The following AIG1 variants were observed in gnomAD, a reference collection of about 807,000 sequenced individuals.
The protein encoded by AIG1 is androgen induced 1.
AIG1 carries 23 observed loss-of-function variants against 31.4 expected under a neutral mutation model. The ratio of observed to expected loss-of-function variants is 0.73; its 90% CI spans 0.53 to 1.04. The LOEUF is 1.04. Among genes scored for constraint, AIG1 ranks in the 50% least tolerant of loss-of-function variants. The pLI is 0.00. For missense variants in AIG1, 274 were observed against 295.0 expected, an observed-to-expected ratio of 0.93 and a Z score of 0.52; for synonymous variants, 100 against 110.5, an observed-to-expected ratio of 0.90 and a Z score of 0.60.
At position 143,256,155 on chromosome 6, in the gene AIG1, A is replaced by G. The variant is rs935106145; in HGVS notation, c.400-27955A>G. On this transcript the variant is annotated intron_variant, in intron 3 of 5. Transcript: ENST00000357847. This position sits in a 1 kb window ranked among gnomAD's most constrained non-coding sequence, Gnocchi z 4.6. ...TAACTGAGATAAATTTTAGGGCAAAAATAAATTAGAATAAACAGAAGTAAA... is the reference window on the plus strand; with the variant it reads ...TAACTGAGATAAATTTTAGGGCAAAGATAAATTAGAATAAACAGAAGTAAA... Among the ~76,000 whole-genome samples the G allele has an allele frequency of 5.9e-5, 9 of 152,204 alleles. No individual in the cohort carries two copies. Among genetic ancestry groups the G allele is most frequent in the African/African-American group, 1.9e-4 (8 of 41,458 alleles).
At chr6:143,175,606 T>A (rs1583419685) in intron 3 of AIG1, among the ~76,000 whole-genome samples, 5 of 152,354 alleles carry the variant, frequency 3.3e-5, no homozygotes, top group African/African-American at 1.2e-4. Flanking sequence ...TTACTGAGAC[T>A]TTCCAGTGCA....
intron 1 of AIG1, among the ~76,000 whole-genome samples, chr6:143,066,741 A>G (rs906333077): frequency 1.1e-4 from 17 of 152,258 alleles, no homozygotes; most frequent in Non-Finnish European, 2.1e-4. Flanking sequence ...CAGGGCAACT[A>G]AGGTGAAAAA....
At chr6:143,072,916 A>G (rs1777422738) in intron 1 of AIG1, among the ~76,000 whole-genome samples, 1 of 152,194 alleles carries the variant, frequency 6.6e-6, no homozygotes, top group Non-Finnish European at 1.5e-5. Flanking sequence ...CATGAATCCC[A>G]GATACAGTAC....
At position 143,334,159 on chromosome 6, in the gene AIG1, T is replaced by C; in HGVS notation, c.679+714T>C. 2 of 1,504,156 alleles carry C rather than the reference T, an allele frequency of 1.3e-6. No individual in the cohort carries two copies. The highest frequency in any genetic ancestry group is 1.2e-5 in the South Asian group (1 of 80,050). 93.2% of individuals were successfully genotyped at this position (1,504,156 alleles called of 1,614,324 possible). ...AGTGTATGTACAATAACATAAAAATTGAAAGGTGGAAAAAGCGCCAGCACA... is the reference window on the plus strand; with the variant it reads ...AGTGTATGTACAATAACATAAAAATCGAAAGGTGGAAAAAGCGCCAGCACA... On this transcript the variant is annotated intron_variant, in intron 5 of 5. Coordinates refer to ENST00000357847, the MANE Select transcript of AIG1 (RefSeq NM_016108.4). This position sits in a 1 kb window ranked among gnomAD's most constrained non-coding sequence, Gnocchi z 5.1.
rs547397284 is a variant in AIG1 at position 143,150,716 on chromosome 6, A to G, written c.297+13726A>G. Among the ~76,000 whole-genome samples, 12 of 152,276 alleles carry G rather than the reference A, an allele frequency of 7.9e-5. No homozygotes were observed. The East Asian group carries it at 2.3e-3, about 29-fold the overall frequency. ...AAAAAAGGGTAGTAAGAGAGGAGAA[A>G]GAAAGAAAAGCTCATGGGGGAAAAA... On this transcript the variant is annotated intron_variant, in intron 2 of 5. Transcript: ENST00000357847.
At chr6:143,089,102 CAA>C (rs1351162342) in intron 1 of AIG1, among the ~76,000 whole-genome samples, 1 of 151,714 alleles carries the variant, frequency 6.6e-6, no homozygotes, top group Non-Finnish European at 1.5e-5. Context: ...CCCAGCTACT[CAA>C]GAGGCAGAGG....
At chr6:143,202,361 A>T (rs892618699) in intron 3 of AIG1, among the ~76,000 whole-genome samples, 1 of 152,166 alleles carries the variant, frequency 6.6e-6, no homozygotes, top group African/African-American at 2.4e-5. Flanking sequence ...ACAAAAAAAC[A>T]GGCAGATTCT....
intron 3 of AIG1, among the ~76,000 whole-genome samples, chr6:143,272,939 G>A (rs546669002): frequency 6.6e-6 from 1 of 152,270 alleles, no homozygotes; most frequent in South Asian, 2.1e-4. Flanking sequence ...GACCAGCCTG[G>A]CCAACATGGT....
chr6:143,234,063 T>C (rs1793637775), intron 3 of AIG1, among the ~76,000 whole-genome samples: 1 of 152,198 alleles, frequency 6.6e-6, no homozygotes, highest in South Asian at 2.1e-4. Flanking sequence ...CTGTCCATGG[T>C]GCTTGAACGG....
intron 2 of AIG1, among the ~76,000 whole-genome samples, chr6:143,147,013 C>A (rs929381893): frequency 6.6e-6 from 1 of 152,024 alleles, no homozygotes; most frequent in Admixed American, 6.6e-5. Flanking sequence ...GAGAGTGTAG[C>A]CCTGCCAGCC....
chr6:143,230,487 A>G (rs1405461887), intron 3 of AIG1, among the ~76,000 whole-genome samples: 7 of 149,992 alleles, frequency 4.7e-5, no homozygotes, highest in Non-Finnish European at 8.9e-5. Context: ...ATTAAAGTTA[A>G]CTTCACACTT....
chr6:143,173,511 G>A (rs1367756689), intron 3 of AIG1, among the ~76,000 whole-genome samples: 1 of 152,170 alleles, frequency 6.6e-6, no homozygotes. Flanking sequence ...ACTTTTTGAT[G>A]TAGGCATTTA....
chr6:143,240,539 A>G (rs554403315), intron 3 of AIG1, among the ~76,000 whole-genome samples: 1 of 152,346 alleles, frequency 6.6e-6, no homozygotes, highest in South Asian at 2.1e-4. Context: ...TTATGACATC[A>G]TAGACCGAGC....
intron 3 of AIG1, among the ~76,000 whole-genome samples, chr6:143,204,231 G>A (rs1790926723): frequency 6.6e-6 from 1 of 152,186 alleles, no homozygotes; most frequent in African/African-American, 2.4e-5. Context: ...TGCTCAGCAG[G>A]ATGATTCTTC....
intron 1 of AIG1, among the ~76,000 whole-genome samples, chr6:143,102,202 T>C (rs186842708): frequency 6.6e-6 from 1 of 152,068 alleles, no homozygotes; most frequent in East Asian, 1.9e-4. Context: ...ACTTTATTCT[T>C]TGTTTACATT....
At chr6:143,108,977 C>T (rs1259111962) in intron 1 of AIG1, among the ~76,000 whole-genome samples, 2 of 152,300 alleles carry the variant, frequency 1.3e-5, no homozygotes, top group South Asian at 2.1e-4. Flanking sequence ...CTATCCCTTC[C>T]GTGTCATTAG....
intron 1 of AIG1, among the ~76,000 whole-genome samples, chr6:143,083,467 C>A (rs898487423): frequency 2.0e-5 from 3 of 152,080 alleles, no homozygotes; most frequent in Admixed American, 6.5e-5. Context: ...AAAAAGCATC[C>A]CTAAGGTCCA....
intron 2 of AIG1, among the ~76,000 whole-genome samples, chr6:143,159,138 A>T (rs1035188181): frequency 6.6e-6 from 1 of 152,226 alleles, no homozygotes; most frequent in Non-Finnish European, 1.5e-5. Context: ...GAATCCAGCC[A>T]TGTGAAAGGA....
In AIG1 at chr6:143,334,095, G is replaced by C; in HGVS notation, c.679+650G>C. 6.4e-7 allele frequency: 1 copy of C among 1,550,414 alleles called. No homozygotes were observed. The highest frequency in any genetic ancestry group is 8.7e-7 in the Non-Finnish European group (1 of 1,146,906). ...TATGGCAGAGCCTCCATCTTGGCAA[G>C]GCACGTAATCTTATCCAAGCTGTGC... is the stretch of plus-strand genomic sequence containing the variant. On this transcript the variant is annotated intron_variant, in intron 5 of 5. Transcript: ENST00000357847. The surrounding 1 kb of genome is among the most constrained non-coding windows in gnomAD (Gnocchi z 5.1).
Sources: gnomAD v4.1 joint callset for allele counts (sites outside exome capture counted in the v4.1 genomes callset) on GRCh38, gnomAD v4.1.1 for gene constraint, Gnocchi (gnomAD v3.1) non-coding constraint, MANE v1.5 for transcripts, NCBI Gene and HGNC (gene_info 2026-07-23, HGNC 2026-07-21) for gene names.